PCDHA2: variants seen among roughly 807,000 people sequenced by gnomAD.
PCDHA2 encodes the protein protocadherin alpha 2, also known as protocadherin alpha-2.
A neutral mutation model predicts 66.0 loss-of-function variants in PCDHA2; 58 were observed. The ratio of observed to expected loss-of-function variants is 0.88; its 90% confidence interval spans 0.71 to 1.09. PCDHA2 has a LOEUF of 1.09. Ranked by LOEUF, PCDHA2 falls within the 50% of genes least tolerant of loss-of-function variation. The probability of loss-of-function intolerance (pLI) is 0.00; values close to 1 mark genes in which losing one functional copy is unlikely to be tolerated. For synonymous variants in PCDHA2, 634 were observed against 554.0 expected (o/e 1.14, Z -2.03); for missense variants, 1,267 against 1,242.3 (o/e 1.02, Z -0.30).
chr5:140,811,002 TTTC>T (rs1554125632), intron 1 of PCDHA2: 1 of 152,192 alleles, frequency 6.6e-6, no homozygotes, highest in African/African-American at 2.4e-5. Context: ...TTTATTTTTA[TTTC>T]TTCTTATTAT....
At chr5:140,958,667 TA>T (rs1310790364) in intron 1 of PCDHA2, among the ~76,000 whole-genome samples, 1 of 152,186 alleles carries the variant, frequency 6.6e-6, no homozygotes, top group African/African-American at 2.4e-5. Context: ...GATGAAATTT[TA>T]ATTATAAAGG....
chr5:140,907,641 C>T (rs2073511625), intron 1 of PCDHA2, among the ~76,000 whole-genome samples: 1 of 152,212 alleles, frequency 6.6e-6, no homozygotes, highest in Non-Finnish European at 1.5e-5. Context: ...CTGCTGCTGG[C>T]AAATTGGGCA....
At chr5:140,903,202 C>T (rs1322362050) in intron 1 of PCDHA2, among the ~76,000 whole-genome samples, 4 of 152,184 alleles carry the variant, frequency 2.6e-5, no homozygotes, top group Admixed American at 2.0e-4. Context: ...GTGTCCTTTT[C>T]ACCACATTCA....
chr5:140,823,336 C>T, intron 1 of PCDHA2: 4 of 1,612,212 alleles, frequency 2.5e-6, no homozygotes, highest in Non-Finnish European at 2.5e-6. Context: ...CGCGCTGCAG[C>T]CGCTGGACCA....
At chr5:140,862,623 G>T in intron 1 of PCDHA2, 1 of 531,204 alleles carries the variant, frequency 1.9e-6, no homozygotes, top group Non-Finnish European at 3.8e-6. Context: ...ACAACCCGCG[G>T]GGCTGCCACG....
chr5:140,987,214 A>G (rs78124050), intron 3 of PCDHA2, among the ~76,000 whole-genome samples: 3 of 131,916 alleles, frequency 2.3e-5, no homozygotes, highest in Admixed American at 2.2e-4. Context: ...ACTCCATCTC[A>G]AAAAAAAAAA....
At position 140,795,657 on chromosome 5, in the gene PCDHA2, G is replaced by A. The variant is rs782399257; in HGVS notation, c.693G>A (p.Lys231=). ...CGGGCACCGTTCAAATACTTATTAAGGTATTAGATGTAAATGACAATGAAC... is the reference window on the plus strand; with the variant it reads ...CGGGCACCGTTCAAATACTTATTAAAGTATTAGATGTAAATGACAATGAAC... ...ELTGTVQILI[K]VLDVNDNEPT... is the part of the protein sequence containing the mutation. Residue 231 remains lysine (K), a synonymous_variant, in exon 1 of 4, where the codon AAG becomes AAA. Coordinates refer to ENST00000526136, the MANE Select transcript of PCDHA2 (RefSeq NM_018905.3). The A allele has an allele frequency of 6.2e-6, 10 of 1,613,964 alleles. No homozygotes were observed. The East Asian group carries it at 1.8e-4, about 29-fold the overall frequency.
chr5:140,865,139 A>G (rs1467997658), intron 1 of PCDHA2: 1 of 152,202 alleles, frequency 6.6e-6, no homozygotes, highest in Non-Finnish European at 1.5e-5. Flanking sequence ...CTTAGAATTT[A>G]ACATTGTATA....
At chr5:140,808,537 C>G in intron 1 of PCDHA2, 1 of 1,614,170 alleles carries the variant, frequency 6.2e-7, no homozygotes, top group Non-Finnish European at 8.5e-7. Context: ...ATGTGAACGA[C>G]AACGCTCCGG....
chr5:141,001,529 A>T (rs1344687772), intron 3 of PCDHA2, among the ~76,000 whole-genome samples: 1 of 152,106 alleles, frequency 6.6e-6, no homozygotes, highest in Non-Finnish European at 1.5e-5. Context: ...TCTCTCTCTG[A>T]TCCTGGACAG....
rs1554206132 is a variant in PCDHA2, at chr5:140,928,678, C to A, written c.2389-50271C>A. 3.1e-6 allele frequency: 5 copies of A among 1,614,192 alleles called. No individual in the cohort carries two copies. The East Asian group carries it at 1.1e-4, about 36-fold the overall frequency. ...TGCTGACAGTGGTTCTAATGCCTGGCTTTCCTACCACATCTCCCGGGCGTC... is the reference window on the plus strand; with the variant it reads ...TGCTGACAGTGGTTCTAATGCCTGGATTTCCTACCACATCTCCCGGGCGTC... On this transcript the variant is annotated intron_variant, in intron 1 of 3. Coordinates refer to ENST00000526136, the MANE Select transcript of PCDHA2 (RefSeq NM_018905.3).
intron 1 of PCDHA2, among the ~76,000 whole-genome samples, chr5:140,913,101 T>C (rs1352707377): frequency 5.9e-5 from 9 of 152,200 alleles, no homozygotes; most frequent in Non-Finnish European, 1.0e-4. Flanking sequence ...ACTGGCCTCA[T>C]AGAATCAGTT....
intron 1 of PCDHA2, chr5:140,843,540 T>C: frequency 6.3e-7 from 1 of 1,595,966 alleles, no homozygotes; most frequent in Non-Finnish European, 8.6e-7. Context: ...CCCACTCTGG[T>C]GTGCTCCAGT....
intron 1 of PCDHA2, chr5:140,807,929 A>G (rs1764068050): frequency 1.9e-6 from 3 of 1,614,142 alleles, no homozygotes; most frequent in Non-Finnish European, 2.5e-6. Flanking sequence ...AACCATTTAT[A>G]AGGTGAGATT....
At chr5:140,976,929 A>G (rs1289479026) in intron 1 of PCDHA2, among the ~76,000 whole-genome samples, 2 of 152,234 alleles carry the variant, frequency 1.3e-5, no homozygotes, top group South Asian at 2.1e-4. Flanking sequence ...AGTACTGTGT[A>G]GCTACTTAAA....
chr5:140,795,944 C>T lies in PCDHA2; in HGVS notation c.980C>T (p.Thr327Ile). ...CAGGTCACTGCAACTGACAAAGGAA[C>T]CCCTTCAATGTCAGGACATTGTAAA... The part of the protein sequence containing the change: ...EIQVTATDKG[T>I]PSMSGHCKIS... Residue 327 changes from threonine (T) to isoleucine (I), a missense_variant, in exon 1 of 4, where the codon ACC (threonine) becomes ATC (isoleucine). Coordinates refer to ENST00000526136, the MANE Select transcript of PCDHA2 (RefSeq NM_018905.3). 2 of 1,613,824 alleles carry T rather than the reference C, an allele frequency of 1.2e-6. No individual in the cohort carries two copies. Among genetic ancestry groups the T allele is most frequent in the Non-Finnish European group, 1.7e-6 (2 of 1,179,794 alleles).
intron 1 of PCDHA2, among the ~76,000 whole-genome samples, chr5:140,945,587 C>A (rs2093812111): frequency 6.6e-6 from 1 of 152,052 alleles, no homozygotes; most frequent in African/African-American, 2.4e-5. Context: ...TCAAAATATA[C>A]TTCAAAGCTA....
intron 3 of PCDHA2, 66 bp from the exon 4 acceptor site, chr5:141,009,561 A>C: frequency 6.4e-7 from 1 of 1,571,278 alleles, no homozygotes; most frequent in Non-Finnish European, 8.6e-7. Context: ...CCTGTACTCT[A>C]CCAGCAGTGT....
intron 1 of PCDHA2, chr5:140,834,431 G>C (rs2150217688): frequency 1.2e-6 from 2 of 1,611,242 alleles, no homozygotes; most frequent in Admixed American, 1.7e-5. Context: ...ATCTACTGCT[G>C]TTTATTATAA....
Sources: allele counts gnomAD v4.1 joint callset (sites outside exome capture counted in the v4.1 genomes callset), GRCh38; gene constraint gnomAD v4.1.1; transcripts MANE v1.5; gene names NCBI Gene and HGNC (gene_info 2026-07-23, HGNC 2026-07-21).